COL19A1: variants seen among roughly 807,000 people sequenced by gnomAD.
The protein encoded by COL19A1 is collagen alpha-1(XIX) chain.
Under a neutral mutation model 190.2 loss-of-function variants are expected in COL19A1, and 159 were observed. The observed-to-expected ratio is 0.84, with a 90% CI of 0.73 to 0.95. The LOEUF (loss-of-function observed/expected upper bound fraction) is 0.95, where lower values mean the gene tolerates loss of function less well. Ranked by LOEUF, COL19A1 falls within the 40% of genes least tolerant of loss-of-function variation. The probability of loss-of-function intolerance (pLI) is 0.00; values close to 1 mark genes in which losing one functional copy is unlikely to be tolerated. For missense variants in COL19A1, 1,418 were observed against 1,431.9 expected (o/e 0.99, Z 0.16); for synonymous variants, 509 against 458.9 (o/e 1.11, Z -1.39).
intron 10 of COL19A1, 111 bp downstream of exon 10, chr6:69,960,151 C>CT: frequency 9.3e-7 from 1 of 1,070,180 alleles, no homozygotes; most frequent in Non-Finnish European, 1.4e-6. Flanking sequence ...CACTCAAAGA[C>CT]TTTTAGAAAG....
chr6:70,018,399 A>G (rs62420127), intron 11 of COL19A1, among the ~76,000 whole-genome samples: 10,030 of 152,118 alleles, frequency 0.066, 689 homozygotes, highest in African/African-American at 0.17. Flanking sequence ...ATGAATTTAT[A>G]ATAATACCAG....
At chr6:69,977,895 T>C (rs1775809308) in intron 11 of COL19A1, among the ~76,000 whole-genome samples, 2 of 152,206 alleles carry the variant, frequency 1.3e-5, no homozygotes, top group African/African-American at 4.8e-5. Flanking sequence ...CAAGAATAAG[T>C]GGTAAGTTTC....
intron 11 of COL19A1, among the ~76,000 whole-genome samples, chr6:69,997,250 T>C (rs891259338): frequency 2.0e-5 from 3 of 152,076 alleles, no homozygotes; most frequent in Non-Finnish European, 4.4e-5. Flanking sequence ...GGACTTGAGG[T>C]GCTATCACAG....
chr6:70,118,797 G>C (rs1426018104), intron 16 of COL19A1, among the ~76,000 whole-genome samples: 1 of 152,070 alleles, frequency 6.6e-6, no homozygotes, highest in African/African-American at 2.4e-5. Context: ...CATTGCTCTT[G>C]GCATTGTTTT....
At chr6:70,192,010 T>C (rs1766903572) in intron 48 of COL19A1, among the ~76,000 whole-genome samples, 1 of 152,100 alleles carries the variant, frequency 6.6e-6, no homozygotes, top group Non-Finnish European at 1.5e-5. Flanking sequence ...CTGGGACTTG[T>C]AGCTACTTTA....
intron 1 of COL19A1, among the ~76,000 whole-genome samples, chr6:69,868,936 G>T (rs1249889230): frequency 6.6e-6 from 1 of 152,026 alleles, no homozygotes; most frequent in Non-Finnish European, 1.5e-5. Flanking sequence ...GTGACTAAGA[G>T]GCATCACAAA....
chr6:70,150,072 A>T (rs748953633), intron 30 of COL19A1, 27 bp downstream of exon 30: 1 of 1,612,422 alleles, frequency 6.2e-7, no homozygotes, highest in South Asian at 1.1e-5. Flanking sequence ...TGTCTGATTT[A>T]TGTATCTTAA....
intron 30 of COL19A1, among the ~76,000 whole-genome samples, chr6:70,151,137 C>T (rs929131385): frequency 1.3e-5 from 2 of 152,146 alleles, no homozygotes; most frequent in Admixed American, 6.6e-5. Flanking sequence ...AATAGGGATG[C>T]ACAGTCAAAA....
In COL19A1 at chr6:70,180,508, A is replaced by AC. The variant is rs772355495; in HGVS notation, c.2763dup (p.Ser922LeufsTer21). The AC allele has an allele frequency of 1.2e-6, 2 of 1,613,988 alleles. No homozygotes were observed. The highest frequency in any genetic ancestry group is 1.7e-6 in the Non-Finnish European group (2 of 1,179,996). Reference sequence around the variant, plus strand: ...ATATAGGTTTCCCTGGACCAGAAGGACCCTCAGGAAAGCCAGTAAGTACTT... The same window carrying AC: ...ATATAGGTTTCCCTGGACCAGAAGGACCCCTCAGGAAAGCCAGTAAGTACTT... On this transcript the variant is annotated frameshift_variant, in exon 44 of 51. Coordinates refer to ENST00000620364, the MANE Select transcript of COL19A1 (RefSeq NM_001858.6). LOFTEE classifies it high-confidence loss of function.
intron 11 of COL19A1, among the ~76,000 whole-genome samples, chr6:69,989,553 C>CTTTTTTTTTTTTTTTTT (rs3072698): frequency 1.6e-5 from 2 of 126,322 alleles, no homozygotes; most frequent in African/African-American, 6.4e-5. Flanking sequence ...GAGTTTTTTA[C>CTTTTTTTTTTTTTTTTT]TTTTTTTTTT....
intron 4 of COL19A1, among the ~76,000 whole-genome samples, chr6:69,921,491 T>TATATTC (rs1554166295): frequency 1.8e-5 from 2 of 113,572 alleles, no homozygotes; most frequent in African/African-American, 4.1e-5. Context: ...TATATATTCA[T>TATATTC]ATATATTCAT....
intron 4 of COL19A1, among the ~76,000 whole-genome samples, chr6:69,926,531 A>AACTG (rs1325225625): frequency 6.6e-6 from 1 of 152,122 alleles, no homozygotes; most frequent in Non-Finnish European, 1.5e-5. Flanking sequence ...GGGGTTCAAG[A>AACTG]ACTGATCTGA....
In COL19A1 at chr6:70,210,869, A is replaced by C. The variant is rs1768152511; in HGVS notation, c.*3595A>C. On this transcript the variant is annotated 3_prime_UTR_variant, in exon 51 of 51. Coordinates refer to ENST00000620364, the MANE Select transcript of COL19A1 (RefSeq NM_001858.6). The stretch of plus-strand genomic sequence containing the variant: ...TTAAGCATCTTTATGAAACAGGCAC[A>C]GTACCCTTTGGTTTGTTGACTGTTT... Among the ~76,000 whole-genome samples the C allele has an allele frequency of 6.6e-6, 1 of 151,836 alleles. No homozygotes were observed. The highest frequency in any genetic ancestry group is 2.4e-5 in the African/African-American group (1 of 41,376).
intron 14 of COL19A1, among the ~76,000 whole-genome samples, chr6:70,039,445 T>C (rs1166870187): frequency 1.3e-5 from 2 of 152,182 alleles, no homozygotes; most frequent in Non-Finnish European, 2.9e-5. Context: ...AGAGGATAGA[T>C]GAACGTCCAT....
At chr6:69,918,082 A>T (rs1228079395) in intron 4 of COL19A1, among the ~76,000 whole-genome samples, 1 of 152,164 alleles carries the variant, frequency 6.6e-6, no homozygotes, top group Non-Finnish European at 1.5e-5. Context: ...TGCCACACAG[A>T]GACTGGAATA....
chr6:70,162,005 T>C, intron 35 of COL19A1, 52 bp downstream of exon 35: 1 of 1,498,622 alleles, frequency 6.7e-7, no homozygotes, highest in South Asian at 1.3e-5. Context: ...GCTGGTTTGA[T>C]GCAAGGTGAA....
rs902954596 is a variant in COL19A1 at position 70,123,317 on chromosome 6, A to G, written c.1341+1375A>G. On this transcript the variant is annotated intron_variant, in intron 17 of 50. Coordinates refer to ENST00000620364, the MANE Select transcript of COL19A1 (RefSeq NM_001858.6). ...AAAAAGTCAGGAAACAACAGGTGCTAGAGAGGATGTGGAGAAATAGGAACA... is the reference window on the plus strand; with the variant it reads ...AAAAAGTCAGGAAACAACAGGTGCTGGAGAGGATGTGGAGAAATAGGAACA... Among the ~76,000 whole-genome samples the G allele has an allele frequency of 4.4e-4, 67 of 152,172 alleles. No homozygotes were observed. In the South Asian group the frequency reaches 6.9e-3, roughly 16 times the overall value.
At chr6:70,086,702 T>C (rs1020234243) in intron 15 of COL19A1, among the ~76,000 whole-genome samples, 3 of 152,210 alleles carry the variant, frequency 2.0e-5, no homozygotes, top group African/African-American at 7.2e-5. Context: ...CTTAAAGAAC[T>C]TTCAAGGCAT....
At chr6:70,068,353 T>C (rs1781365636) in intron 14 of COL19A1, 70 bp from the exon 15 acceptor site, 17 of 1,008,648 alleles carry the variant, frequency 1.7e-5, no homozygotes, top group Non-Finnish European at 8.0e-6. Flanking sequence ...ATTATTAATT[T>C]TCACAACATT....
Sources: allele counts gnomAD v4.1 joint callset (sites outside exome capture counted in the v4.1 genomes callset), GRCh38; gene constraint gnomAD v4.1.1; transcripts MANE v1.5; gene names NCBI Gene and HGNC (gene_info 2026-07-23, HGNC 2026-07-21).